Variants in FAM78B observed in about 807,000 individuals in gnomAD.
FAM78B encodes protein FAM78B.
In FAM78B, 10 loss-of-function variants were observed where a neutral mutation model predicts 20.0. That is an observed-to-expected ratio of 0.50 (90% confidence interval 0.31 to 0.85). The LOEUF (loss-of-function observed/expected upper bound fraction) is 0.85. Ranked by LOEUF, FAM78B falls within the 40% of genes least tolerant of loss-of-function variation. The pLI, the probability that FAM78B is intolerant of heterozygous loss-of-function variation, is 0.05. For missense variants in FAM78B, 283 were observed against 345.0 expected (o/e 0.82, Z 1.42); for synonymous variants, 135 against 132.8 (o/e 1.02, Z -0.12).
rs1258491926 is a variant in FAM78B at position 166,070,670 on chromosome 1, T to C, written c.357A>G (p.Thr119=). Residue 119 remains threonine (T), a synonymous_variant, in exon 2 of 2, where the codon ACA becomes ACG. Coordinates refer to ENST00000354422, the MANE Select transcript of FAM78B (RefSeq NM_001017961.5). ...GVSYPWYGNT[T]ETVTLVGPTN... ...TGGGGCCAACCAGGGTCACAGTTTC[T>C]GTGGTGTTCCCGTACCAAGGGTAGC... is the stretch of plus-strand genomic sequence containing the variant. 1 of 1,613,790 alleles carries C rather than the reference T, an allele frequency of 6.2e-7. No homozygotes were observed.
chr1:166,091,407 C>T (rs183763626), intron 1 of FAM78B, among the ~76,000 whole-genome samples: 74 of 152,236 alleles, frequency 4.9e-4, no homozygotes, highest in Admixed American at 1.0e-3. Context: ...ATAAGTCTCA[C>T]GAGATCTGAC....
chr1:166,069,921 G>T lies in FAM78B; in HGVS notation c.*320C>A. 1.0e-6 allele frequency: 1 copy of T among 989,374 alleles called. No homozygotes were observed. The highest frequency in any genetic ancestry group is 1.2e-6 in the Non-Finnish European group (1 of 817,062). 61.3% of individuals were successfully genotyped at this position (989,374 alleles called of 1,614,324 possible). On this transcript the variant is annotated 3_prime_UTR_variant, in exon 2 of 2. Coordinates refer to ENST00000354422, the MANE Select transcript of FAM78B (RefSeq NM_001017961.5). ...CTGTTTAATTTCGTTTCCATCCCCT[G>T]CATCTCACAGGAAAGAAATGGTCAA...
At chr1:166,095,132 GC>G (rs377582952) in intron 1 of FAM78B, among the ~76,000 whole-genome samples, 28 of 152,156 alleles carry the variant, frequency 1.8e-4, no homozygotes, top group African/African-American at 6.8e-4. Flanking sequence ...CCTTGCAGAA[GC>G]AAGTCTGCTG....
At chr1:166,158,090 C>G (rs1403210384) in intron 1 of FAM78B, among the ~76,000 whole-genome samples, 3 of 152,206 alleles carry the variant, frequency 2.0e-5, no homozygotes, top group African/African-American at 4.8e-5. Context: ...ACCAATAAAG[C>G]TAGGTCCATT....
chr1:166,075,165 G>A (rs1051823840), intron 1 of FAM78B, among the ~76,000 whole-genome samples: 6 of 152,144 alleles, frequency 3.9e-5, no homozygotes, highest in Admixed American at 2.0e-4. Flanking sequence ...AGTTAACTGC[G>A]AGGAAGAAGA....
chr1:166,101,494 C>T (rs1352035083), intron 1 of FAM78B, among the ~76,000 whole-genome samples: 4 of 152,106 alleles, frequency 2.6e-5, no homozygotes, highest in Non-Finnish European at 5.9e-5. Context: ...ACTAGAATAA[C>T]CAATGCAGAG....
At chr1:166,066,760 GA>G (rs151261570), downstream of FAM78B, among the ~76,000 whole-genome samples, 22,884 of 152,102 alleles carry the variant, frequency 0.15, 2,195 homozygotes, top group East Asian at 0.42. Flanking sequence ...TGACCTATGA[GA>G]TTATCATTCC....
At chr1:166,095,220 T>C (rs150018870) in intron 1 of FAM78B, among the ~76,000 whole-genome samples, 2 of 152,174 alleles carry the variant, frequency 1.3e-5, no homozygotes, top group African/African-American at 2.4e-5. Context: ...GGCTTGCCCA[T>C]GCCCTGTGTG....
At chr1:166,105,497 A>T (rs1327991085) in intron 1 of FAM78B, among the ~76,000 whole-genome samples, 1 of 152,214 alleles carries the variant, frequency 6.6e-6, no homozygotes, top group Non-Finnish European at 1.5e-5. Flanking sequence ...ATGAACTCAA[A>T]CAAACTTACA....
At chr1:166,138,021 C>T (rs1488348044) in intron 1 of FAM78B, among the ~76,000 whole-genome samples, 1 of 152,192 alleles carries the variant, frequency 6.6e-6, no homozygotes, top group Admixed American at 6.5e-5. Context: ...CCTCTTAGAT[C>T]TCTCTAGCCC....
chr1:166,065,890 T>C (rs1571125085), downstream of FAM78B, among the ~76,000 whole-genome samples: 3 of 152,338 alleles, frequency 2.0e-5, no homozygotes, highest in East Asian at 5.8e-4. Context: ...TTTTGATTAA[T>C]TTTCTTTTCA....
chr1:166,103,756 C>T (rs942562217), intron 1 of FAM78B, among the ~76,000 whole-genome samples: 3 of 152,144 alleles, frequency 2.0e-5, no homozygotes, highest in Non-Finnish European at 1.5e-5. Context: ...AGATTCACAG[C>T]CGAATTCCAC....
At chr1:166,056,521 C>T (rs751903345), downstream of FAM78B, among the ~76,000 whole-genome samples, 3 of 152,120 alleles carry the variant, frequency 2.0e-5, no homozygotes, top group East Asian at 1.9e-4. Context: ...CCTGCAGTTC[C>T]CACTCTTGCC....
At position 166,166,413 on chromosome 1, in the gene FAM78B, C is replaced by T. The variant is rs1021856280; in HGVS notation, c.-165G>A. ...CGCCGGGCATCCTTGGGGAAGCCCC[C>T]TCCTCTTGCAGCCGCGCGGGGTCCC... On this transcript the variant is annotated 5_prime_UTR_variant, in exon 1 of 2. Coordinates refer to ENST00000354422, the MANE Select transcript of FAM78B (RefSeq NM_001017961.5). 8.0e-6 allele frequency: 4 copies of T among 499,018 alleles called. No individual in the cohort carries two copies. The African/African-American group carries it at 8.4e-5, about 10-fold the overall frequency. The allele number at this position is 499,018 out of a possible 1,614,324, so 30.9% of individuals were successfully genotyped here. A position where few individuals can be genotyped will look rare whatever the true frequency, so the allele number is the denominator to read the frequency against.
At chr1:166,155,797 G>A (rs573552253) in intron 1 of FAM78B, among the ~76,000 whole-genome samples, 50 of 152,068 alleles carry the variant, frequency 3.3e-4, no homozygotes, top group African/African-American at 1.2e-3. Context: ...TCTCGGGAGA[G>A]GGAATAGAAG....
At chr1:166,137,382 C>T (rs1655106438) in intron 1 of FAM78B, among the ~76,000 whole-genome samples, 1 of 152,150 alleles carries the variant, frequency 6.6e-6, no homozygotes, top group Non-Finnish European at 1.5e-5. Flanking sequence ...TTTTTCTAGT[C>T]CAACCTATTT....
intron 1 of FAM78B, among the ~76,000 whole-genome samples, chr1:166,078,371 C>T (rs1481120075): frequency 6.6e-6 from 1 of 152,164 alleles, no homozygotes; most frequent in Non-Finnish European, 1.5e-5. Flanking sequence ...TCTCCTATAA[C>T]CCTTCTCCTC....
At chr1:166,126,717 T>C (rs1269179993) in intron 1 of FAM78B, among the ~76,000 whole-genome samples, 4 of 152,122 alleles carry the variant, frequency 2.6e-5, no homozygotes, top group Non-Finnish European at 2.9e-5. Flanking sequence ...CAATAATACA[T>C]GATAATTATT....
At chr1:166,103,158 G>A (rs549856350) in intron 1 of FAM78B, among the ~76,000 whole-genome samples, 275 of 152,108 alleles carry the variant, frequency 1.8e-3, no homozygotes, top group African/African-American at 4.1e-3. Flanking sequence ...GAAACCAATG[G>A]GAACAAAGAT....
Sources: gnomAD v4.1 joint callset for allele counts (sites outside exome capture counted in the v4.1 genomes callset) on GRCh38, gnomAD v4.1.1 for gene constraint, MANE v1.5 for transcripts, NCBI Gene and HGNC (gene_info 2026-07-23, HGNC 2026-07-21) for gene names.